The following GABRB3 variants were observed in gnomAD, a reference collection of about 807,000 sequenced individuals.
GABRB3 encodes the protein gamma-aminobutyric acid type A receptor subunit beta3.
A neutral mutation model predicts 52.1 loss-of-function variants in GABRB3; 14 were observed. The observed-to-expected ratio is 0.27, with a 90% CI of 0.18 to 0.42. The LOEUF (loss-of-function observed/expected upper bound fraction) is 0.42. Among genes scored for constraint, GABRB3 ranks in the 10% least tolerant of loss-of-function variants. The pLI is 1.00. For synonymous variants in GABRB3, 260 were observed against 232.3 expected, an observed-to-expected ratio of 1.12 and a Z score of -1.08; for missense variants, 307 against 609.1, an observed-to-expected ratio of 0.50 and a Z score of 5.22.
intron 4 of GABRB3, among the ~76,000 whole-genome samples, chr15:26,590,060 A>G (rs1374930047): frequency 2.6e-5 from 4 of 152,158 alleles, no homozygotes; most frequent in Non-Finnish European, 5.9e-5. Context: ...AGGCTTGGAT[A>G]AGAATCCCCT....
At chr15:26,736,890 T>C (rs1430704432) in intron 3 of GABRB3, among the ~76,000 whole-genome samples, 1 of 152,220 alleles carries the variant, frequency 6.6e-6, no homozygotes, top group Admixed American at 6.5e-5. Flanking sequence ...ATCCTTTGAC[T>C]TTGATGCAAA....
At chr15:26,597,154 G>C (rs910825740) in intron 4 of GABRB3, among the ~76,000 whole-genome samples, 2 of 152,158 alleles carry the variant, frequency 1.3e-5, no homozygotes, top group Admixed American at 6.5e-5. Flanking sequence ...TCTCCATGCT[G>C]CCACACTGGG....
intron 3 of GABRB3, among the ~76,000 whole-genome samples, chr15:26,639,202 A>C (rs1011179752): frequency 1.3e-5 from 2 of 152,190 alleles, no homozygotes; most frequent in African/African-American, 4.8e-5. Context: ...CATCAACCCA[A>C]TGCCCGTTGT....
rs931500904 is a variant in GABRB3, at chr15:26,730,367, G to A, written c.240+42035C>T. Among the ~76,000 whole-genome samples the A allele has an allele frequency of 2.7e-3, 394 of 145,294 alleles. 1 individual carries two copies. Among genetic ancestry groups the A allele is most frequent in the African/African-American group, 9.7e-3 (379 of 39,092 alleles). ...CGGGAGGCGGAGCTTGCAGTGAGCC[G>A]AGATCGCGCCACTGCACTCCAGCCT... On this transcript the variant is annotated intron_variant, in intron 3 of 8. Coordinates refer to ENST00000311550, the MANE Select transcript of GABRB3 (RefSeq NM_000814.6).
intron 4 of GABRB3, chr15:26,616,073 A>C (rs1407975444): frequency 7.8e-7 from 1 of 1,289,042 alleles, no homozygotes; most frequent in Non-Finnish European, 1.0e-6. Flanking sequence ...ATTTACCAAA[A>C]AGATGCAATG....
At chr15:26,634,573 A>G (rs912391306) in intron 3 of GABRB3, among the ~76,000 whole-genome samples, 1 of 152,112 alleles carries the variant, frequency 6.6e-6, no homozygotes, top group Non-Finnish European at 1.5e-5. Flanking sequence ...ATTGCATCCC[A>G]GAAGCATGCT....
In GABRB3 at chr15:26,547,651, T is replaced by A. The variant is rs2140644688; in HGVS notation, c.*142A>T. ...GTATTTTATATATATGCTGAGAAAGTTCACATATATATACAATTGCGTATG... is the reference window on the plus strand; with the variant it reads ...GTATTTTATATATATGCTGAGAAAGATCACATATATATACAATTGCGTATG... On this transcript the variant is annotated 3_prime_UTR_variant, in exon 9 of 9. Transcript: ENST00000311550. 2 of 665,984 alleles carry A rather than the reference T, an allele frequency of 3.0e-6. No homozygotes were observed. Among genetic ancestry groups the A allele is most frequent in the Middle Eastern group, 4.0e-4 (1 of 2,498 alleles). 41.3% of individuals were successfully genotyped at this position (665,984 alleles called of 1,614,324 possible).
At chr15:26,769,980 C>T (rs984565008) in intron 3 of GABRB3, among the ~76,000 whole-genome samples, 5 of 23,594 alleles carry the variant, frequency 2.1e-4, no homozygotes, top group Non-Finnish European at 3.3e-4. Flanking sequence ...TTTTACTGTT[C>T]TCAAACATTG....
At chr15:26,746,492 A>G (rs117866955) in intron 3 of GABRB3, among the ~76,000 whole-genome samples, 1,920 of 151,714 alleles carry the variant, frequency 0.013, 23 homozygotes, top group Middle Eastern at 0.034. Context: ...TTGGTGTTAA[A>G]TTTAAGAATT....
intron 3 of GABRB3, among the ~76,000 whole-genome samples, chr15:26,627,441 G>T (rs957152193): frequency 6.7e-6 from 1 of 148,860 alleles, no homozygotes; most frequent in Non-Finnish European, 1.5e-5. Context: ...ACGGATCTGG[G>T]CAAAGTAAAC....
chr15:26,605,510 C>T (rs1440055063), intron 4 of GABRB3, among the ~76,000 whole-genome samples: 1 of 152,118 alleles, frequency 6.6e-6, no homozygotes, highest in Non-Finnish European at 1.5e-5. Context: ...TGGAGGCAAC[C>T]TAAGTTTTCA....
At chr15:26,691,601 T>C (rs1441234044) in intron 3 of GABRB3, among the ~76,000 whole-genome samples, 1 of 152,086 alleles carries the variant, frequency 6.6e-6, no homozygotes, top group Admixed American at 6.5e-5. Flanking sequence ...AGAAAAAAAA[T>C]TGAATCACAA....
intron 3 of GABRB3, among the ~76,000 whole-genome samples, chr15:26,665,407 T>G (rs1887678551): frequency 6.6e-6 from 1 of 152,344 alleles, no homozygotes; most frequent in South Asian, 2.1e-4. Context: ...TACCAAACTG[T>G]TATTTGTAAG....
chr15:26,555,379 G>A (rs541087421), intron 8 of GABRB3, among the ~76,000 whole-genome samples: 5 of 152,200 alleles, frequency 3.3e-5, no homozygotes, highest in East Asian at 1.9e-4. Context: ...ACAAGACATC[G>A]GGTAAAATGA....
chr15:26,692,402 A>G (rs915531243), intron 3 of GABRB3, among the ~76,000 whole-genome samples: 1 of 152,184 alleles, frequency 6.6e-6, no homozygotes, highest in Non-Finnish European at 1.5e-5. Flanking sequence ...AAAAGTTCCC[A>G]TGTTTGAACA....
At chr15:26,737,536 T>C (rs543372510) in intron 3 of GABRB3, among the ~76,000 whole-genome samples, 1 of 151,870 alleles carries the variant, frequency 6.6e-6, no homozygotes, top group East Asian at 1.9e-4. Context: ...ATTTGAAAAA[T>C]AATAAAGAAG....
chr15:26,606,818 A>ATATATCTG lies in GABRB3; in HGVS notation c.461+14495_461+14496insCAGATATA, dbSNP rs370066096. ...GATAGATATATCTATAGATAGATAG[A>ATATATCTG]TAGATAGATAGATAGATAGATAGAT... On this transcript the variant is annotated intron_variant, in intron 4 of 8. Coordinates refer to ENST00000311550, the MANE Select transcript of GABRB3 (RefSeq NM_000814.6). Among the ~76,000 whole-genome samples, 194 of 75,874 alleles carry ATATATCTG rather than the reference A, an allele frequency of 2.6e-3. 4 individuals carry two copies. The East Asian group carries it at 0.26, about 102-fold the overall frequency. 49.8% of individuals were successfully genotyped at this position (75,874 alleles called of 152,430 possible).
intron 3 of GABRB3, among the ~76,000 whole-genome samples, chr15:26,770,964 T>C (rs551584387): frequency 1.2e-4 from 18 of 152,350 alleles, no homozygotes; most frequent in African/African-American, 4.3e-4. Flanking sequence ...GCTAACACTT[T>C]TACTGATACA....
At chr15:26,612,780 T>C (rs1892118142) in intron 4 of GABRB3, 1 of 152,210 alleles carries the variant, frequency 6.6e-6, no homozygotes, top group Admixed American at 6.5e-5. Context: ...TGTGGAAGAA[T>C]AAACTGGTAA....
Sources: allele counts gnomAD v4.1 joint callset (sites outside exome capture counted in the v4.1 genomes callset), GRCh38; gene constraint gnomAD v4.1.1; transcripts MANE v1.5; gene names NCBI Gene and HGNC (gene_info 2026-07-23, HGNC 2026-07-21).